Variants in ZNF611 observed in about 807,000 individuals in gnomAD.
The protein encoded by ZNF611 is zinc finger protein 611.
In ZNF611, 6 loss-of-function variants were observed where a neutral mutation model predicts 8.9. That is an observed-to-expected ratio of 0.68 (90% CI 0.37 to 1.34). The LOEUF (loss-of-function observed/expected upper bound fraction) is 1.34, where lower values mean the gene tolerates loss of function less well. Among genes scored for constraint, ZNF611 ranks in the 40% most tolerant of loss-of-function variants. The probability of loss-of-function intolerance (pLI) is 0.02; values close to 1 mark genes in which losing one functional copy is unlikely to be tolerated. For missense variants in ZNF611, 874 were observed against 841.3 expected (o/e 1.04, Z -0.48); for synonymous variants, 262 against 279.7 (o/e 0.94, Z 0.63).
chr19:52,711,769 A>G (rs890586120), intron 5 of ZNF611, among the ~76,000 whole-genome samples: 9 of 152,154 alleles, frequency 5.9e-5, no homozygotes, highest in African/African-American at 1.9e-4. Context: ...CAGGGAGAGT[A>G]GTGTTGGAGG....
chr19:52,706,509 C>T lies in ZNF611; in HGVS notation c.546G>A (p.Lys182=), dbSNP rs1016763477. The part of the protein sequence containing the change: ...IKGEIGNQLE[K]STNDAPSVST... Reference sequence around the variant, plus strand: ...AAACTGAGGGAGCATCATTAGTAGACTTCTCAAGTTGATTACCAATTTCAC... The same window carrying T: ...AAACTGAGGGAGCATCATTAGTAGATTTCTCAAGTTGATTACCAATTTCAC... The change falls in exon 6 of 6, where the codon AAG becomes AAA. Residue 182 remains lysine, a synonymous_variant. Transcript: ENST00000652185. The T allele has an allele frequency of 9.9e-6, 16 of 1,614,044 alleles. No homozygotes were observed. The highest frequency in any genetic ancestry group is 7.7e-5 in the South Asian group (7 of 91,088).
Position 52,718,393 on chromosome 19 carries a change from G to T in ZNF611, c.-19-2480C>A, listed in dbSNP as rs546052108. ...GGTGGGGCGTGCCTGTGGTCCCAGG[G>T]AATCCAGAGGCTGAGGTGGGAAAAT... is the stretch of plus-strand genomic sequence containing the variant. On this transcript the variant is annotated intron_variant, in intron 3 of 5. Coordinates refer to ENST00000652185, the MANE Select transcript of ZNF611 (RefSeq NM_001161499.2). Among the ~76,000 whole-genome samples the T allele has an allele frequency of 6.6e-5, 10 of 151,020 alleles. No homozygotes were observed. The East Asian group carries it at 2.0e-3, about 30-fold the overall frequency.
chr19:52,724,967 T>C (rs571611288), intron 3 of ZNF611, among the ~76,000 whole-genome samples: 5 of 152,280 alleles, frequency 3.3e-5, no homozygotes, highest in Admixed American at 3.3e-4. Flanking sequence ...TTCTCACCCA[T>C]CCTCTACTTT....
chr19:52,710,534 T>C (rs1451240497), intron 5 of ZNF611, among the ~76,000 whole-genome samples: 3 of 152,110 alleles, frequency 2.0e-5, no homozygotes, highest in African/African-American at 7.2e-5. Context: ...CCGTCCAATG[T>C]TTTTTAATTT....
rs555505447 is a variant in ZNF611, at chr19:52,728,456, T to C, written c.-20+274A>G. 6.0e-4 allele frequency among the ~76,000 whole-genome samples: 92 copies of C among 152,192 alleles called. 1 individual carries two copies. In the South Asian group the frequency reaches 0.017, roughly 28 times the overall value. On this transcript the variant is annotated intron_variant, in intron 3 of 5. Coordinates refer to ENST00000652185, the MANE Select transcript of ZNF611 (RefSeq NM_001161499.2). ...GGGAGGCTGAGGCAGGAGAATCACATGTACCCGAGAGACAGAAATTGCAGT... is the reference window on the plus strand; with the variant it reads ...GGGAGGCTGAGGCAGGAGAATCACACGTACCCGAGAGACAGAAATTGCAGT...
chr19:52,726,558 A>G lies in ZNF611; in HGVS notation c.-20+2172T>C, dbSNP rs1019878782. ...GCCTGAGAGTTGAGTAACTGGGACT[A>G]CAGGTGCCCGCCACGATGCCCGGCT... On this transcript the variant is annotated intron_variant, in intron 3 of 5. Transcript: ENST00000652185. Among the ~76,000 whole-genome samples, 166 of 152,012 alleles carry G rather than the reference A, an allele frequency of 1.1e-3. 1 individual carries two copies. Among genetic ancestry groups the G allele is most frequent in the African/African-American group, 3.6e-3 (149 of 41,458 alleles).
At chr19:52,715,943 T>C (rs2062314317) in intron 3 of ZNF611, 30 bp from the exon 4 acceptor site, 1 of 1,609,858 alleles carries the variant, frequency 6.2e-7, no homozygotes, top group African/African-American at 1.3e-5. Flanking sequence ...AGACTTCATG[T>C]TAGAAATGAC....
chr19:52,714,207 G>A, intron 4 of ZNF611, 66 bp from the exon 5 acceptor site: 1 of 1,579,266 alleles, frequency 6.3e-7, no homozygotes. Context: ...CACAGAAAAT[G>A]AGAAATGAGA....
intron 1 of ZNF611, among the ~76,000 whole-genome samples, chr19:52,731,473 C>A (rs1346963835): frequency 6.6e-6 from 1 of 152,076 alleles, no homozygotes; most frequent in Non-Finnish European, 1.5e-5. Context: ...CGGGTTCAAA[C>A]AAACCTCTGC....
chr19:52,705,799 A>G lies in ZNF611; in HGVS notation c.1256T>C (p.Ile419Thr), dbSNP rs373568983. The change falls in exon 6 of 6, where the codon ATT becomes ACT. Residue 419 changes from isoleucine to threonine, a missense_variant. Coordinates refer to ENST00000652185, the MANE Select transcript of ZNF611 (RefSeq NM_001161499.2). ...TTTATAAGTTTTCTTTGCAGTATGA[A>G]TTCTTCTATGTCGAGCCAGCTGTGA... ...WHSQLARHRRIHTAKKTYKCN... is the reference protein window; with the variant it reads ...WHSQLARHRRTHTAKKTYKCN... 4.3e-6 allele frequency: 7 copies of G among 1,613,360 alleles called. No homozygotes were observed. Among genetic ancestry groups the G allele is most frequent in the African/African-American group, 1.3e-5 (1 of 74,790 alleles).
rs539602013 is a variant in ZNF611 at position 52,704,172 on chromosome 19, C to G, written c.*765G>C. On this transcript the variant is annotated 3_prime_UTR_variant, in exon 6 of 6. Coordinates refer to ENST00000652185, the MANE Select transcript of ZNF611 (RefSeq NM_001161499.2). ...ATAAACACTTGAATGTCAATAAAGGCTTGAACTCAATGTTAAGTCAACACA... is the reference window on the plus strand; with the variant it reads ...ATAAACACTTGAATGTCAATAAAGGGTTGAACTCAATGTTAAGTCAACACA... The G allele has an allele frequency of 2.6e-6, 1 of 382,178 alleles. No individual in the cohort carries two copies. The allele number at this position is 382,178 out of a possible 1,614,324, so 23.7% of individuals were successfully genotyped here.
At chr19:52,724,239 G>A (rs1261047533) in intron 3 of ZNF611, 3 of 152,220 alleles carry the variant, frequency 2.0e-5, no homozygotes, top group African/African-American at 7.2e-5. Flanking sequence ...TTGGGCAGAG[G>A]TCCCTGCGGC....
intron 3 of ZNF611, among the ~76,000 whole-genome samples, chr19:52,728,022 T>G (rs1414310317): frequency 1.3e-5 from 2 of 149,462 alleles, no homozygotes; most frequent in Admixed American, 6.7e-5. Context: ...CAATTCTGCC[T>G]CAGCCTCCTG....
chr19:52,732,214 G>A (rs997022789), intron 1 of ZNF611, among the ~76,000 whole-genome samples: 38 of 152,006 alleles, frequency 2.5e-4, no homozygotes, highest in Non-Finnish European at 4.7e-4. Flanking sequence ...AGCTTGCAGT[G>A]AGCTGAGATC....
At chr19:52,716,155 C>T (rs2062316024) in intron 3 of ZNF611, 1 of 454,124 alleles carries the variant, frequency 2.2e-6, no homozygotes, top group East Asian at 3.7e-5. Context: ...CAGTGGGGAG[C>T]TGGGCTGGAC....
intron 3 of ZNF611, among the ~76,000 whole-genome samples, chr19:52,718,943 C>T (rs570812078): frequency 5.9e-5 from 9 of 152,306 alleles, no homozygotes; most frequent in African/African-American, 1.7e-4. Context: ...GAGGCCAAGG[C>T]GGGTGGATCA....
Position 52,705,313 on chromosome 19 carries a change from A to T in ZNF611, c.1742T>A (p.Leu581His), listed in dbSNP as rs1331169471. The change falls in exon 6 of 6, where the codon CTT becomes CAT. Residue 581 changes from leucine (L) to histidine (H), a missense_variant. Leu to His is a moderately conservative substitution (Grantham distance 99). Transcript: ENST00000652185. ...ACTATGAACTCTATGATGGCATACA[A>T]GGTATGACCTGTGACTGAAGGTCTT... ...CSKTFSHRSY[L>H]VCHHRVHSGE... 5.0e-6 allele frequency: 8 copies of T among 1,613,998 alleles called. No homozygotes were observed. The highest frequency in any genetic ancestry group is 1.3e-5 in the African/African-American group (1 of 74,906).
intron 1 of ZNF611, among the ~76,000 whole-genome samples, chr19:52,730,434 G>A (rs2062419419): frequency 6.7e-6 from 1 of 148,190 alleles, no homozygotes; most frequent in African/African-American, 2.5e-5. Flanking sequence ...ACATGATGTA[G>A]GCTCCTTGGT....
chr19:52,712,771 C>T (rs982616791), intron 5 of ZNF611, among the ~76,000 whole-genome samples: 2 of 152,064 alleles, frequency 1.3e-5, no homozygotes, highest in Admixed American at 6.6e-5. Flanking sequence ...CTGGCATGTG[C>T]GACTTCACCC....
Sources: gnomAD v4.1 joint callset for allele counts (sites outside exome capture counted in the v4.1 genomes callset) on GRCh38, gnomAD v4.1.1 for gene constraint, MANE v1.5 for transcripts, NCBI Gene and HGNC (gene_info 2026-07-23, HGNC 2026-07-21) for gene names.